Variants in ZKSCAN2 observed in about 807,000 individuals in gnomAD.
The protein encoded by ZKSCAN2 is zinc finger protein with KRAB and SCAN domains 2.
Under a neutral mutation model 90.5 loss-of-function variants are expected in ZKSCAN2, and 38 were observed. That is an observed-to-expected ratio of 0.42 (90% CI 0.32 to 0.55). The LOEUF is 0.55. Ranked by LOEUF, ZKSCAN2 falls within the 20% of genes least tolerant of loss-of-function variation. The probability of loss-of-function intolerance (pLI) is 0.11; values close to 1 mark genes in which losing one functional copy is unlikely to be tolerated. For synonymous variants in ZKSCAN2, 429 were observed against 421.6 expected (o/e 1.02, Z -0.22); for missense variants, 1,167 against 1,202.6 (o/e 0.97, Z 0.44).
Position 25,255,206 on chromosome 16 carries a change from C to T in ZKSCAN2, c.586G>A (p.Ala196Thr). The T allele has an allele frequency of 6.3e-7, 1 of 1,599,072 alleles. No individual in the cohort carries two copies. The highest frequency in any genetic ancestry group is 8.5e-7 in the Non-Finnish European group (1 of 1,175,116). The change falls in exon 2 of 7, where the codon GCT becomes ACT. Residue 196 changes from alanine to threonine, a missense_variant and splice_region_variant. Transcript: ENST00000328086. ...KRERRPLPKN[A>T]RPSPWVPALA... The stretch of plus-strand genomic sequence containing the variant: ...GCGTGCTCCGAGTCTTCCCTCTTAC[C>T]ATTCTTGGGTAAGGGCCGACGTTCT...
chr16:25,247,191 A>G lies in ZKSCAN2; in HGVS notation c.1005T>C (p.Asp335=), dbSNP rs141526402. 35 of 1,614,022 alleles carry G rather than the reference A, an allele frequency of 2.2e-5. No homozygotes were observed. The highest frequency in any genetic ancestry group is 3.0e-5 in the Non-Finnish European group (35 of 1,179,996). Residue 335 remains aspartate (D), a synonymous_variant, in exon 5 of 7, where the codon GAT becomes GAC. Coordinates refer to ENST00000328086, the MANE Select transcript of ZKSCAN2 (RefSeq NM_001012981.5). Reference sequence around the variant, plus strand: ...TCCAATGCACACCTGCTATCTTTTCATCTTCTAAACCCCACTGCTGCTGCT... The same window carrying G: ...TCCAATGCACACCTGCTATCTTTTCGTCTTCTAAACCCCACTGCTGCTGCT... ...WREQQQWGLE[D]EKIAGVHWSY...
In ZKSCAN2 at chr16:25,243,920, G is replaced by C; in HGVS notation, c.1846C>G (p.Pro616Ala). The C allele has an allele frequency of 6.2e-7, 1 of 1,614,126 alleles. No homozygotes were observed. The highest frequency in any genetic ancestry group is 1.7e-5 in the Admixed American group (1 of 60,032). Residue 616 changes from proline to alanine, a missense_variant, in exon 6 of 7, where the codon CCT becomes GCT. Coordinates refer to ENST00000328086, the MANE Select transcript of ZKSCAN2 (RefSeq NM_001012981.5). ...RGGIEVEPQE[P>A]TGWEPEETSQ... ...GTCTCTTCAGGTTCCCAGCCTGTAG[G>C]TTCCTGGGGTTCAACCTCAATACCC...
At position 25,240,077 on chromosome 16, in the gene ZKSCAN2, G is replaced by A; in HGVS notation, c.2643C>T (p.His881=). ...CACATTTGTAGGGATTCTCCCCAGT[G>A]TGAACTCTCCGGTGGGCGCTGAAAT... The part of the protein sequence containing the change: ...SSHFSAHRRV[H]TGENPYKCVD... The change falls in exon 7 of 7, where the codon CAC becomes CAT. Residue 881 remains histidine (H), a synonymous_variant. Coordinates refer to ENST00000328086, the MANE Select transcript of ZKSCAN2 (RefSeq NM_001012981.5). 1 of 1,614,004 alleles carries A rather than the reference G, an allele frequency of 6.2e-7. No individual in the cohort carries two copies. Among genetic ancestry groups the A allele is most frequent in the South Asian group, 1.1e-5 (1 of 91,064 alleles).
At chr16:25,247,481 TG>T in intron 4 of ZKSCAN2, 91 bp from the exon 5 acceptor site, 2 of 1,114,896 alleles carry the variant, frequency 1.8e-6, no homozygotes, top group African/African-American at 3.1e-5. Context: ...CTGGGCCACT[TG>T]TTCACACCCA....
chr16:25,240,728 G>A lies in ZKSCAN2; in HGVS notation c.1992C>T (p.Ile664=), dbSNP rs774938976. The change falls in exon 7 of 7, where the codon ATC becomes ATT. Residue 664 remains isoleucine (I), a synonymous_variant. Transcript: ENST00000328086. ...GLLQSPNDFE[I]GSSIKEDPTQ... is the part of the protein sequence containing the mutation. ...TTGGATCCTCCTTGATGCTACTTCC[G>A]ATTTCAAAATCTGAAAAAATGAAAG... is the stretch of plus-strand genomic sequence containing the variant. 44 of 1,598,834 alleles carry A rather than the reference G, an allele frequency of 2.8e-5. No homozygotes were observed. In the East Asian group the frequency reaches 4.0e-4, roughly 15 times the overall value.
chr16:25,252,020 C>T lies in ZKSCAN2; in HGVS notation c.694G>A (p.Val232Ile). The T allele has an allele frequency of 6.2e-7, 1 of 1,614,118 alleles. No homozygotes were observed. Residue 232 changes from valine to isoleucine, a missense_variant, in exon 4 of 7, where the codon GTC becomes ATC. Physicochemically the swap from Val to Ile is conservative, Grantham distance 29. Transcript: ENST00000328086. Reference protein sequence around the residue: ...PAGSQEPVKDVHVARGFSYRK... With the variant: ...PAGSQEPVKDIHVARGFSYRK... The stretch of plus-strand genomic sequence containing the variant: ...TAGGAAAAGCCTCTGGCCACGTGGA[C>T]ATCTTTCACTGGTTCCTGTAATGAC...
At chr16:25,252,067 G>A in intron 3 of ZKSCAN2, 32 bp from the exon 4 acceptor site, 1 of 1,612,430 alleles carries the variant, frequency 6.2e-7, no homozygotes, top group African/African-American at 1.3e-5. Flanking sequence ...TGACTACCAA[G>A]ATAACTGCAC....
At chr16:25,251,537 G>GA (rs1963020912) in intron 4 of ZKSCAN2, among the ~76,000 whole-genome samples, 1 of 152,204 alleles carries the variant, frequency 6.6e-6, no homozygotes, top group African/African-American at 2.4e-5. Flanking sequence ...ATACAAAAGA[G>GA]ATGAACATGT....
Position 25,257,203 on chromosome 16 carries a change from A to G in ZKSCAN2, c.-76T>C, listed in dbSNP as rs937498626. On this transcript the variant is annotated 5_prime_UTR_variant, in exon 1 of 7. Coordinates refer to ENST00000328086, the MANE Select transcript of ZKSCAN2 (RefSeq NM_001012981.5). ...GAAGACTCCAAGCGCTCCCTGCTTA[A>G]TGTTCCTGGGAGTGTGATAAGGTAC... The G allele has an allele frequency of 1.8e-5, 27 of 1,468,032 alleles. No homozygotes were observed. The Admixed American group carries it at 6.2e-4, about 34-fold the overall frequency. The allele number at this position is 1,468,032 out of a possible 1,614,324, so 90.9% of individuals were successfully genotyped here.
At chr16:25,250,736 C>T (rs1247502032) in intron 4 of ZKSCAN2, among the ~76,000 whole-genome samples, 1 of 152,030 alleles carries the variant, frequency 6.6e-6, no homozygotes, top group Non-Finnish European at 1.5e-5. Context: ...TAAATATACA[C>T]AATTTTATTT....
At position 25,257,306 on chromosome 16, in the gene ZKSCAN2, G is replaced by C. The variant is rs1230961848; in HGVS notation, c.-179C>G. 2 of 1,412,866 alleles carry C rather than the reference G, an allele frequency of 1.4e-6. No individual in the cohort carries two copies. The highest frequency in any genetic ancestry group is 6.1e-5 in the Admixed American group (2 of 32,592). 87.5% of individuals were successfully genotyped at this position (1,412,866 alleles called of 1,614,324 possible). On this transcript the variant is annotated 5_prime_UTR_variant, in exon 1 of 7. Coordinates refer to ENST00000328086, the MANE Select transcript of ZKSCAN2 (RefSeq NM_001012981.5). ...CAAATCTATGCCAGGCCCTTGAAAA[G>C]GTGAACGTATACTCTAAGATGCAAA...
intron 5 of ZKSCAN2, among the ~76,000 whole-genome samples, chr16:25,245,156 C>T (rs1041693751): frequency 6.6e-6 from 1 of 152,128 alleles, no homozygotes; most frequent in African/African-American, 2.4e-5. Flanking sequence ...CCAGGCTGGA[C>T]TGCAGTGGCA....
At chr16:25,255,184 T>G (rs1963079484) in intron 2 of ZKSCAN2, 22 bp downstream of exon 2, 1 of 1,586,540 alleles carries the variant, frequency 6.3e-7, no homozygotes, top group Non-Finnish European at 8.6e-7. Context: ...GCACTAGGCG[T>G]GCTCCGAGTC....
chr16:25,246,706 C>T lies in ZKSCAN2; in HGVS notation c.1489+1G>A, dbSNP rs1325766131. 6.2e-7 allele frequency: 1 copy of T among 1,614,000 alleles called. No individual in the cohort carries two copies. The highest frequency in any genetic ancestry group is 8.5e-7 in the Non-Finnish European group (1 of 1,179,992). On this transcript the variant is annotated splice_donor_variant, in intron 5 of 6. Coordinates refer to ENST00000328086, the MANE Select transcript of ZKSCAN2 (RefSeq NM_001012981.5). LOFTEE classifies it high-confidence loss of function. The stretch of plus-strand genomic sequence containing the variant: ...CCAGAGAAACAAAGCACAATTCTTA[C>T]CACTGAGATTCTGAAACAAGACAGG...
At position 25,239,492 on chromosome 16, in the gene ZKSCAN2, A is replaced by G; in HGVS notation, c.*324T>C. On this transcript the variant is annotated 3_prime_UTR_variant, in exon 7 of 7. Transcript: ENST00000328086. Reference sequence around the variant, plus strand: ...TGGCATTTTTTATATCCTTGAAGACAACTCTCACCCATATGGAAGATCTTG... The same window carrying G: ...TGGCATTTTTTATATCCTTGAAGACGACTCTCACCCATATGGAAGATCTTG... The G allele has an allele frequency of 4.7e-6, 1 of 211,250 alleles. No individual in the cohort carries two copies. Among genetic ancestry groups the G allele is most frequent in the Non-Finnish European group, 9.5e-6 (1 of 105,598 alleles). 13.1% of individuals were successfully genotyped at this position (211,250 alleles called of 1,614,324 possible).
At chr16:25,246,438 C>A (rs1567352000) in intron 5 of ZKSCAN2, 1 of 514,602 alleles carries the variant, frequency 1.9e-6, no homozygotes, top group East Asian at 3.2e-5. Context: ...CTCCATTTGT[C>A]TTCCTTCCAC....
In ZKSCAN2 at chr16:25,257,218, T is replaced by C. The variant is rs540260210; in HGVS notation, c.-91A>G. The C allele has an allele frequency of 9.3e-6, 14 of 1,506,898 alleles. No homozygotes were observed. Among genetic ancestry groups the C allele is most frequent in the Middle Eastern group, 1.8e-4 (1 of 5,446 alleles). 93.3% of individuals were successfully genotyped at this position (1,506,898 alleles called of 1,614,324 possible). ...TCCCTGCTTAATGTTCCTGGGAGTG[T>C]GATAAGGTACGGAGGTAAAAACGGC... On this transcript the variant is annotated 5_prime_UTR_variant, in exon 1 of 7. Coordinates refer to ENST00000328086, the MANE Select transcript of ZKSCAN2 (RefSeq NM_001012981.5).
intron 5 of ZKSCAN2, among the ~76,000 whole-genome samples, chr16:25,245,772 A>G (rs200253930): frequency 9.5e-5 from 11 of 115,782 alleles, no homozygotes; most frequent in South Asian, 2.5e-4. Context: ...ACCGTCTCGG[A>G]AAAAAAAAAA....
Position 25,257,151 on chromosome 16 carries a change from A to G in ZKSCAN2, c.-24T>C. The stretch of plus-strand genomic sequence containing the variant: ...ATGCTGCAGCCCAGGGGTCAACTTC[A>G]CGTCTAGCTCAAGGTGGGGACCCAA... On this transcript the variant is annotated 5_prime_UTR_variant, in exon 1 of 7. Coordinates refer to ENST00000328086, the MANE Select transcript of ZKSCAN2 (RefSeq NM_001012981.5). The G allele has an allele frequency of 1.9e-6, 3 of 1,562,442 alleles. No homozygotes were observed. The highest frequency in any genetic ancestry group is 1.2e-5 in the South Asian group (1 of 82,660).
Sources: allele counts gnomAD v4.1 joint callset (sites outside exome capture counted in the v4.1 genomes callset), GRCh38; gene constraint gnomAD v4.1.1; transcripts MANE v1.5; gene names NCBI Gene and HGNC (gene_info 2026-07-23, HGNC 2026-07-21).